SORCS3: variants seen among roughly 807,000 people sequenced by gnomAD.
The protein encoded by SORCS3 is VPS10 domain-containing receptor SorCS3.
SORCS3 carries 57 observed loss-of-function variants against 146.3 expected under a neutral mutation model. The ratio of observed to expected loss-of-function variants is 0.39; its 90% CI spans 0.31 to 0.49. SORCS3 has a LOEUF of 0.49. SORCS3 is among the 20% of genes least tolerant of loss of function. The pLI, the probability that SORCS3 is intolerant of heterozygous loss-of-function variation, is 0.92. For synonymous variants in SORCS3, 653 were observed against 618.5 expected, an observed-to-expected ratio of 1.06 and a Z score of -0.83; for missense variants, 1,341 against 1,575.5, an observed-to-expected ratio of 0.85 and a Z score of 2.52.
At chr10:104,694,675 T>A (rs2016152691) in intron 1 of SORCS3, among the ~76,000 whole-genome samples, 2 of 152,170 alleles carry the variant, frequency 1.3e-5, no homozygotes, top group African/African-American at 2.4e-5. Context: ...GGTGGGCATG[T>A]GCCTCTGTTA....
At chr10:104,870,535 T>C (rs1187262398) in intron 2 of SORCS3, among the ~76,000 whole-genome samples, 1 of 151,952 alleles carries the variant, frequency 6.6e-6, no homozygotes, top group Admixed American at 6.6e-5. Flanking sequence ...TGAGGGAAGG[T>C]TTGGAGAGAG....
chr10:104,754,758 G>T (rs1219757533), intron 1 of SORCS3, among the ~76,000 whole-genome samples: 1 of 152,240 alleles, frequency 6.6e-6, no homozygotes, highest in Non-Finnish European at 1.5e-5. Flanking sequence ...ATAGAAATCA[G>T]TCCCTGCTGG....
intron 14 of SORCS3, among the ~76,000 whole-genome samples, chr10:105,178,614 C>A (rs1024567569): frequency 6.6e-6 from 1 of 151,430 alleles, no homozygotes; most frequent in African/African-American, 2.4e-5. Flanking sequence ...CACACACACA[C>A]AAACACACAC....
At chr10:105,006,670 T>C (rs989063589) in intron 4 of SORCS3, among the ~76,000 whole-genome samples, 2 of 152,324 alleles carry the variant, frequency 1.3e-5, no homozygotes, top group Admixed American at 1.3e-4. Flanking sequence ...AACCACTTAA[T>C]TTTCTTTGCT....
chr10:104,702,933 C>T (rs1205649136), intron 1 of SORCS3, among the ~76,000 whole-genome samples: 1 of 152,174 alleles, frequency 6.6e-6, no homozygotes, highest in East Asian at 1.9e-4. Context: ...ATACTTCCTG[C>T]CCTGGCTTTT....
intron 4 of SORCS3, among the ~76,000 whole-genome samples, chr10:104,977,730 C>CTTTTTTTT (rs796233007): frequency 2.4e-5 from 3 of 122,916 alleles, no homozygotes; most frequent in African/African-American, 6.0e-5. Flanking sequence ...CTTTTCTTTT[C>CTTTTTTTT]TTTTTTTTTT....
At chr10:104,942,381 G>A (rs1208970117) in intron 3 of SORCS3, among the ~76,000 whole-genome samples, 1 of 151,988 alleles carries the variant, frequency 6.6e-6, no homozygotes, top group Non-Finnish European at 1.5e-5. Flanking sequence ...CAAATGTTAA[G>A]GAAAACTAGA....
chr10:104,969,273 C>T (rs970502024), intron 3 of SORCS3, among the ~76,000 whole-genome samples: 3 of 149,018 alleles, frequency 2.0e-5, no homozygotes, highest in Admixed American at 6.7e-5. Flanking sequence ...GCATTTTGGG[C>T]GGGTTTCTCA....
At chr10:104,983,711 A>G (rs1279685775) in intron 4 of SORCS3, among the ~76,000 whole-genome samples, 1 of 151,334 alleles carries the variant, frequency 6.6e-6, no homozygotes, top group African/African-American at 2.4e-5. Flanking sequence ...CAGATCCTAG[A>G]TTTCTCGTTT....
intron 1 of SORCS3, among the ~76,000 whole-genome samples, chr10:104,730,456 G>A (rs2133452461): frequency 6.6e-6 from 1 of 152,232 alleles, no homozygotes; most frequent in East Asian, 1.9e-4. Flanking sequence ...GCTCCATCTG[G>A]GTTGATTCCT....
chr10:105,078,136 A>G (rs1209145803), intron 5 of SORCS3, among the ~76,000 whole-genome samples: 3 of 152,188 alleles, frequency 2.0e-5, no homozygotes, highest in Non-Finnish European at 4.4e-5. Context: ...TAAAATGAAG[A>G]CTTTATTCAG....
At chr10:105,186,034 A>G (rs1456634145) in intron 14 of SORCS3, among the ~76,000 whole-genome samples, 5 of 152,152 alleles carry the variant, frequency 3.3e-5, no homozygotes, top group Non-Finnish European at 7.3e-5. Flanking sequence ...TTTCTTATCA[A>G]TGGAAATTTA....
intron 2 of SORCS3, among the ~76,000 whole-genome samples, chr10:104,902,396 T>C (rs564941106): frequency 1.1e-4 from 16 of 152,298 alleles, no homozygotes; most frequent in African/African-American, 2.9e-4. Context: ...ACTTGAGGAA[T>C]GTTTGTGTAT....
intron 2 of SORCS3, among the ~76,000 whole-genome samples, chr10:104,900,551 A>G (rs933026624): frequency 2.6e-5 from 4 of 152,102 alleles, no homozygotes; most frequent in Non-Finnish European, 5.9e-5. Flanking sequence ...GCCTCCACAT[A>G]ATCTTATTCT....
intron 7 of SORCS3, among the ~76,000 whole-genome samples, chr10:105,111,753 G>C (rs1468522558): frequency 3.9e-5 from 6 of 152,218 alleles, no homozygotes; most frequent in Non-Finnish European, 7.3e-5. Context: ...AGCTGTATTA[G>C]TGCAAAGCAC....
At chr10:105,163,981 G>A (rs1298340973) in intron 11 of SORCS3, among the ~76,000 whole-genome samples, 1 of 151,154 alleles carries the variant, frequency 6.6e-6, no homozygotes, top group African/African-American at 2.4e-5. Context: ...TCCACTCTTT[G>A]CTTCCTTCAG....
Position 105,008,354 on chromosome 10 carries a change from A to G in SORCS3, c.954+30861A>G, listed in dbSNP as rs2055110513. Among the ~76,000 whole-genome samples the G allele has an allele frequency of 3.3e-5, 5 of 152,188 alleles. 1 individual carries two copies. The South Asian group carries it at 1.0e-3, about 32-fold the overall frequency. On this transcript the variant is annotated intron_variant, in intron 4 of 26. Transcript: ENST00000369701. The stretch of plus-strand genomic sequence containing the variant: ...CACTGATGTCTCATGAAAACTCTCT[A>G]TGAAGAGATCTCCTTCTTCACTTTA...
At chr10:105,039,776 AAGAGCGTG>A in intron 4 of SORCS3, among the ~76,000 whole-genome samples, 1 of 152,018 alleles carries the variant, frequency 6.6e-6, no homozygotes. Context: ...TTATGTTAGA[AAGAGCGTG>A]AGAGGACAGG....
intron 22 of SORCS3, among the ~76,000 whole-genome samples, 191 bp from the exon 23 acceptor site, chr10:105,252,584 T>G (rs917505056): frequency 2.0e-5 from 3 of 152,194 alleles, no homozygotes; most frequent in Non-Finnish European, 4.4e-5. Context: ...GTAGTGAAAC[T>G]AATAATGTTT....
Sources: allele counts gnomAD v4.1 joint callset (sites outside exome capture counted in the v4.1 genomes callset), GRCh38; gene constraint gnomAD v4.1.1; transcripts MANE v1.5; gene names NCBI Gene and HGNC (gene_info 2026-07-23, HGNC 2026-07-21).